FCHSD2: variants seen among roughly 807,000 people sequenced by gnomAD.
FCHSD2 encodes FCH and double SH3 domains 2.
In FCHSD2, 38 loss-of-function variants were observed where a neutral mutation model predicts 108.1. That is an observed-to-expected ratio of 0.35 (90% CI 0.27 to 0.46). The LOEUF (loss-of-function observed/expected upper bound fraction) is 0.46, where lower values mean the gene tolerates loss of function less well. Among genes scored for constraint, FCHSD2 ranks in the 20% least tolerant of loss-of-function variants. The pLI, the probability that FCHSD2 is intolerant of heterozygous loss-of-function variation, is 1.00. For missense variants in FCHSD2, 751 were observed against 897.8 expected, an observed-to-expected ratio of 0.84 and a Z score of 2.09; for synonymous variants, 279 against 314.7, an observed-to-expected ratio of 0.89 and a Z score of 1.20.
intron 8 of FCHSD2, among the ~76,000 whole-genome samples, chr11:72,937,884 T>A (rs1414559973): frequency 6.6e-6 from 1 of 152,150 alleles, no homozygotes; most frequent in Non-Finnish European, 1.5e-5. Flanking sequence ...CTAGGCACCA[T>A]GGGAAATACA....
intron 3 of FCHSD2, among the ~76,000 whole-genome samples, chr11:73,019,626 A>T (rs1231416970): frequency 2.6e-5 from 4 of 152,144 alleles, no homozygotes; most frequent in African/African-American, 9.6e-5. Context: ...GAAAGACTTT[A>T]TTCAAGTTAG....
At chr11:72,880,398 T>C (rs147759110) in intron 12 of FCHSD2, among the ~76,000 whole-genome samples, 3 of 152,082 alleles carry the variant, frequency 2.0e-5, no homozygotes, top group East Asian at 1.9e-4. Context: ...TTGTCACAAA[T>C]ACAGACACAC....
At chr11:73,074,300 C>T (rs1408985118) in intron 3 of FCHSD2, among the ~76,000 whole-genome samples, 1 of 152,112 alleles carries the variant, frequency 6.6e-6, no homozygotes, top group East Asian at 1.9e-4. Flanking sequence ...TGCAAGACTA[C>T]ATAATATCAT....
intron 3 of FCHSD2, among the ~76,000 whole-genome samples, chr11:73,067,969 G>A (rs914768759): frequency 6.6e-6 from 1 of 152,146 alleles, no homozygotes; most frequent in Admixed American, 6.5e-5. Context: ...CTAAAGCCAT[G>A]TCTTACATGG....
intron 13 of FCHSD2, 46 bp downstream of exon 13, chr11:72,867,819 G>A: frequency 1.9e-6 from 3 of 1,558,170 alleles, no homozygotes; most frequent in Non-Finnish European, 2.6e-6. Context: ...GTCAAAGCAT[G>A]CTTCAGTGAA....
chr11:73,099,807 C>G (rs1034477728), intron 2 of FCHSD2, among the ~76,000 whole-genome samples: 1 of 152,112 alleles, frequency 6.6e-6, no homozygotes, highest in Non-Finnish European at 1.5e-5. Flanking sequence ...AGAAAGAGTG[C>G]GAAGGGAAGC....
intron 2 of FCHSD2, among the ~76,000 whole-genome samples, chr11:73,118,383 C>T (rs1441505493): frequency 6.6e-6 from 1 of 152,126 alleles, no homozygotes; most frequent in African/African-American, 2.4e-5. Flanking sequence ...TTTCCTCATG[C>T]CCCATCTTAG....
intron 2 of FCHSD2, among the ~76,000 whole-genome samples, chr11:73,128,100 TG>T (rs963605430): frequency 8.0e-5 from 12 of 150,472 alleles, no homozygotes; most frequent in African/African-American, 2.5e-4. Context: ...AAGACTGAAG[TG>T]GTAAGATTGG....
At chr11:72,885,701 C>T (rs1327780297) in intron 12 of FCHSD2, among the ~76,000 whole-genome samples, 1 of 152,130 alleles carries the variant, frequency 6.6e-6, no homozygotes, top group Non-Finnish European at 1.5e-5. Flanking sequence ...CTGGCTTCAT[C>T]TAGAGTGCGG....
chr11:73,141,656 G>A (rs1261526033), intron 1 of FCHSD2, among the ~76,000 whole-genome samples: 1 of 152,214 alleles, frequency 6.6e-6, no homozygotes, highest in African/African-American at 2.4e-5. Context: ...TTAGAGGACG[G>A]ACGAGCCCCG....
At chr11:73,103,063 T>C (rs1421625216) in intron 2 of FCHSD2, among the ~76,000 whole-genome samples, 5 of 152,180 alleles carry the variant, frequency 3.3e-5, no homozygotes. Flanking sequence ...GAAACACAAC[T>C]ATAATCACAA....
intron 8 of FCHSD2, among the ~76,000 whole-genome samples, chr11:72,967,071 G>T (rs1223888789): frequency 1.3e-5 from 2 of 152,050 alleles, no homozygotes; most frequent in African/African-American, 4.8e-5. Context: ...CTGGTGGCGG[G>T]CACCTGTGGT....
At chr11:73,070,482 G>A (rs1859407994) in intron 3 of FCHSD2, among the ~76,000 whole-genome samples, 1 of 152,084 alleles carries the variant, frequency 6.6e-6, no homozygotes, top group Non-Finnish European at 1.5e-5. Flanking sequence ...GGAGTGCAGT[G>A]GCACGACCTT....
At chr11:73,003,633 C>T (rs1242873194) in intron 4 of FCHSD2, among the ~76,000 whole-genome samples, 1 of 150,826 alleles carries the variant, frequency 6.6e-6, no homozygotes, top group Non-Finnish European at 1.5e-5. Flanking sequence ...ACTACAGGCG[C>T]CCGCCACTAC....
chr11:73,076,528 G>T lies in FCHSD2; in HGVS notation c.165+7167C>A, dbSNP rs548430279. 2.0e-5 allele frequency among the ~76,000 whole-genome samples: 3 copies of T among 152,238 alleles called. No homozygotes were observed. The East Asian group carries it at 5.8e-4, about 29-fold the overall frequency. The stretch of plus-strand genomic sequence containing the variant: ...GACATAAAGCTGATGGTTACTTTGG[G>T]CTCAGGATAAAAGTAGAGACTGACT... On this transcript the variant is annotated intron_variant, in intron 3 of 19. Transcript: ENST00000409418.
rs974816072 is a variant in FCHSD2, at chr11:72,907,833, T to A, written c.829-5195A>T. Among the ~76,000 whole-genome samples the A allele has an allele frequency of 2.0e-5, 3 of 152,126 alleles. No homozygotes were observed. In the East Asian group the frequency reaches 5.8e-4, roughly 29 times the overall value. The stretch of plus-strand genomic sequence containing the variant: ...TGGTCTCGATCTCCTGACCTCGTCA[T>A]CTGCCCACCTTGGCCTCCCAAAGTG... On this transcript the variant is annotated intron_variant, in intron 9 of 19. Coordinates refer to ENST00000409418, the MANE Select transcript of FCHSD2 (RefSeq NM_014824.3).
chr11:72,888,619 C>T (rs1855247490), intron 11 of FCHSD2, among the ~76,000 whole-genome samples: 1 of 151,140 alleles, frequency 6.6e-6, no homozygotes. Context: ...TTCTTTCTTT[C>T]TTTCTTTTTT....
At chr11:73,125,095 A>G (rs1390504811) in intron 2 of FCHSD2, among the ~76,000 whole-genome samples, 1 of 152,238 alleles carries the variant, frequency 6.6e-6, no homozygotes, top group Non-Finnish European at 1.5e-5. Context: ...GAAAGCTAAG[A>G]GAAGTGTCAA....
At chr11:73,096,987 A>AATTTTTTTTTTTT (rs1860095700) in intron 2 of FCHSD2, among the ~76,000 whole-genome samples, 20 of 27,020 alleles carry the variant, frequency 7.4e-4, no homozygotes, top group African/African-American at 3.8e-3. Flanking sequence ...TCATTGATGG[A>AATTTTTTTTTTTT]TTTTTTTTTT....
Sources: allele counts gnomAD v4.1 joint callset (sites outside exome capture counted in the v4.1 genomes callset), GRCh38; gene constraint gnomAD v4.1.1; transcripts MANE v1.5; gene names NCBI Gene and HGNC (gene_info 2026-07-23, HGNC 2026-07-21).